Variants in ARHGAP26 observed in about 807,000 individuals in gnomAD.
ARHGAP26 encodes Rho GTPase activating protein 26.
Under a neutral mutation model 104.8 loss-of-function variants are expected in ARHGAP26, and 38 were observed. The ratio of observed to expected loss-of-function variants is 0.36; its 90% CI spans 0.28 to 0.48. The LOEUF (loss-of-function observed/expected upper bound fraction) is 0.48. Among genes scored for constraint, ARHGAP26 ranks in the 20% least tolerant of loss-of-function variants. ARHGAP26 has a pLI of 0.99. For missense variants in ARHGAP26, 704 were observed against 947.9 expected (o/e 0.74, Z 3.38); for synonymous variants, 341 against 340.0 (o/e 1.00, Z -0.03).
At chr5:143,219,837 A>G (rs944664698) in intron 22 of ARHGAP26, among the ~76,000 whole-genome samples, 1 of 152,222 alleles carries the variant, frequency 6.6e-6, no homozygotes, top group African/African-American at 2.4e-5. Context: ...TTGAATAAGC[A>G]TCCTGAGGGT....
chr5:142,770,436 G>C lies in ARHGAP26; in HGVS notation c.-326G>C. On this transcript the variant is annotated 5_prime_UTR_variant, in exon 1 of 23. Transcript: ENST00000645722. ...GGGCGCTCGAGGCTGCCGAGAGCTA[G>C]CTAGCGAAGGAGGCGGGGAGGCGGC... 5.2e-6 allele frequency: 1 copy of C among 193,684 alleles called. No individual in the cohort carries two copies. The highest frequency in any genetic ancestry group is 7.9e-5 in the East Asian group (1 of 12,638). The allele number at this position is 193,684 out of a possible 1,614,324, so 12.0% of individuals were successfully genotyped here. A position where few individuals can be genotyped will look rare whatever the true frequency, so the allele number is the denominator to read the frequency against.
intron 17 of ARHGAP26, among the ~76,000 whole-genome samples, chr5:143,098,290 A>G (rs1304597072): frequency 1.3e-5 from 2 of 152,200 alleles, no homozygotes; most frequent in Non-Finnish European, 2.9e-5. Flanking sequence ...TAAAAAGCCA[A>G]TTCCTTCTAA....
At chr5:142,829,589 G>T (rs1033763174) in intron 1 of ARHGAP26, among the ~76,000 whole-genome samples, 1 of 152,202 alleles carries the variant, frequency 6.6e-6, no homozygotes, top group South Asian at 2.1e-4. Flanking sequence ...GATATAATTG[G>T]TATTTATCTC....
chr5:143,210,344 G>T (rs1809257721), intron 21 of ARHGAP26, among the ~76,000 whole-genome samples: 1 of 152,010 alleles, frequency 6.6e-6, no homozygotes. Flanking sequence ...AACAGTACAG[G>T]AAAGACCGTC....
intron 22 of ARHGAP26, chr5:143,216,745 T>C (rs1224040255): frequency 6.5e-6 from 1 of 153,866 alleles, no homozygotes; most frequent in Non-Finnish European, 1.4e-5. Context: ...CCTTTCAAAT[T>C]CCCTGAGGAG....
chr5:143,028,249 G>A (rs1164222201), intron 12 of ARHGAP26, among the ~76,000 whole-genome samples: 2 of 152,176 alleles, frequency 1.3e-5, no homozygotes, highest in African/African-American at 4.8e-5. Flanking sequence ...TGCTCAGTAA[G>A]TGTTAGCCAC....
intron 21 of ARHGAP26, among the ~76,000 whole-genome samples, chr5:143,210,665 A>G (rs2151377254): frequency 6.6e-6 from 1 of 152,330 alleles, no homozygotes; most frequent in African/African-American, 2.4e-5. Flanking sequence ...TTATGCCTAA[A>G]TGATCAACCC....
chr5:142,910,672 G>A (rs1389675271), intron 9 of ARHGAP26, among the ~76,000 whole-genome samples: 1 of 152,188 alleles, frequency 6.6e-6, no homozygotes, highest in East Asian at 1.9e-4. Context: ...CTGGGAGGTG[G>A]AGGTTACAGT....
At chr5:142,806,860 G>GA (rs2151992627) in intron 1 of ARHGAP26, among the ~76,000 whole-genome samples, 1 of 152,336 alleles carries the variant, frequency 6.6e-6, no homozygotes, top group East Asian at 1.9e-4. Flanking sequence ...ACCAGCAGTT[G>GA]ACTCATTTCA....
chr5:142,937,096 G>A (rs1056672188), intron 11 of ARHGAP26, among the ~76,000 whole-genome samples: 6 of 152,046 alleles, frequency 3.9e-5, no homozygotes, highest in Admixed American at 3.3e-4. Context: ...CTACAGAATG[G>A]TAGAAAATAT....
chr5:143,193,383 G>A (rs1806267415), intron 20 of ARHGAP26, among the ~76,000 whole-genome samples: 1 of 151,356 alleles, frequency 6.6e-6, no homozygotes, highest in Admixed American at 6.6e-5. Context: ...GAATAGCTGC[G>A]ATCACAGGTA....
intron 17 of ARHGAP26, among the ~76,000 whole-genome samples, chr5:143,114,119 A>G (rs1795121877): frequency 6.6e-6 from 1 of 152,128 alleles, no homozygotes; most frequent in East Asian, 1.9e-4. Context: ...ACCCACCATA[A>G]GCATTCAATT....
At chr5:142,830,479 G>A (rs759615956) in intron 1 of ARHGAP26, among the ~76,000 whole-genome samples, 18 of 152,156 alleles carry the variant, frequency 1.2e-4, no homozygotes, top group Non-Finnish European at 1.8e-4. Context: ...CTGACAGTAC[G>A]TTATGGCAGT....
At chr5:142,923,649 T>C (rs1763493056) in intron 10 of ARHGAP26, among the ~76,000 whole-genome samples, 1 of 152,186 alleles carries the variant, frequency 6.6e-6, no homozygotes, top group Non-Finnish European at 1.5e-5. Context: ...TGCAATTTAA[T>C]ATGCCAAAGA....
At position 143,140,866 on chromosome 5, in the gene ARHGAP26, C is replaced by T. The variant is rs569716290; in HGVS notation, c.1838-6365C>T. Among the ~76,000 whole-genome samples the T allele has an allele frequency of 2.1e-4, 32 of 152,296 alleles. No homozygotes were observed. In the East Asian group the frequency reaches 5.6e-3, roughly 27 times the overall value. ...TCCGTTAATTCATCCTAGACCCTCTCCCAGACAGGCCCAGTGAGAGGTTGA... is the reference window on the plus strand; with the variant it reads ...TCCGTTAATTCATCCTAGACCCTCTTCCAGACAGGCCCAGTGAGAGGTTGA... On this transcript the variant is annotated intron_variant, in intron 19 of 22. Coordinates refer to ENST00000645722, the MANE Select transcript of ARHGAP26 (RefSeq NM_001135608.3).
intron 8 of ARHGAP26, among the ~76,000 whole-genome samples, chr5:142,904,848 A>T (rs567644343): frequency 7.9e-5 from 12 of 152,320 alleles, no homozygotes; most frequent in African/African-American, 2.9e-4. Context: ...ATGTAGAGTT[A>T]GGCAGATGTC....
At position 143,033,835 on chromosome 5, in the gene ARHGAP26, A is replaced by C. The variant is rs530522635; in HGVS notation, c.1145-3361A>C. Among the ~76,000 whole-genome samples the C allele has an allele frequency of 2.0e-5, 3 of 152,330 alleles. No homozygotes were observed. In the East Asian group the frequency reaches 5.8e-4, roughly 29 times the overall value. ...GAAAAGATGATCTTAAGCACCTCTC[A>C]AAAGAAGAACTAAAAGGCTTCACCT... On this transcript the variant is annotated intron_variant, in intron 12 of 22. Transcript: ENST00000645722.
chr5:143,131,384 T>C (rs1450972855), intron 18 of ARHGAP26, among the ~76,000 whole-genome samples: 2 of 152,298 alleles, frequency 1.3e-5, no homozygotes, highest in Non-Finnish European at 1.5e-5. Flanking sequence ...GGTCTCATTT[T>C]CAGTAACTCA....
chr5:142,772,252 C>T (rs1235686542), intron 1 of ARHGAP26, among the ~76,000 whole-genome samples: 1 of 152,222 alleles, frequency 6.6e-6, no homozygotes, highest in African/African-American at 2.4e-5. Flanking sequence ...ATGAAATGAA[C>T]ACAGGACTGT....
Sources: allele counts gnomAD v4.1 joint callset (sites outside exome capture counted in the v4.1 genomes callset), GRCh38; gene constraint gnomAD v4.1.1; transcripts MANE v1.5; gene names NCBI Gene and HGNC (gene_info 2026-07-23, HGNC 2026-07-21).